JADE3: variants seen among roughly 807,000 people sequenced by gnomAD.
JADE3 encodes the protein protein Jade-3.
JADE3 carries 2 observed loss-of-function variants against 50.1 expected under a neutral mutation model. The observed-to-expected ratio is 0.04, with a 90% CI of 0.02 to 0.13. The LOEUF is 0.13. JADE3 is among the 10% of genes least tolerant of loss of function. The probability of loss-of-function intolerance (pLI) is 1.00; values close to 1 mark genes in which losing one functional copy is unlikely to be tolerated. For synonymous variants in JADE3, 218 were observed against 232.9 expected (o/e 0.94, Z 0.58); for missense variants, 475 against 634.4 (o/e 0.75, Z 2.70).
At chrX:46,960,358 C>T (rs181590131) in intron 1 of JADE3, among the ~76,000 whole-genome samples, 6 of 111,891 alleles carry the variant, frequency 5.4e-5, no homozygotes, top group South Asian at 3.8e-4. Context: ...CTTCCCAGAA[C>T]GGATAAGGGT....
intron 1 of JADE3, among the ~76,000 whole-genome samples, chrX:46,983,232 C>G (rs782073874): frequency 9.0e-6 from 1 of 111,556 alleles, no homozygotes; most frequent in East Asian, 2.8e-4. Context: ...GAATTGAAGC[C>G]CCCTATTCTA....
chrX:47,004,749 T>C (rs1928371550), intron 4 of JADE3, among the ~76,000 whole-genome samples: 1 of 112,676 alleles, frequency 8.9e-6, no homozygotes, highest in Non-Finnish European at 1.9e-5. Flanking sequence ...AGTCCTTTAA[T>C]AGATAATTTG....
intron 3 of JADE3, among the ~76,000 whole-genome samples, chrX:46,996,809 A>G (rs1001432860): frequency 8.9e-6 from 1 of 112,236 alleles, no homozygotes; most frequent in East Asian, 2.8e-4. Context: ...TACATCTGCA[A>G]AGACCCTTTT....
intron 1 of JADE3, among the ~76,000 whole-genome samples, chrX:46,965,971 G>A (rs1291502865): frequency 1.8e-5 from 2 of 112,180 alleles, no homozygotes; most frequent in African/African-American, 6.5e-5. Context: ...AACAAGATTA[G>A]GACTTTTAAA....
intron 4 of JADE3, among the ~76,000 whole-genome samples, chrX:47,021,332 G>A (rs1928788475): frequency 1.8e-5 from 2 of 111,434 alleles, no homozygotes; most frequent in South Asian, 7.5e-4. Context: ...GTGTGAATAT[G>A]CCACATTTTT....
Position 47,060,494 on chromosome X carries a change from C to G in JADE3, c.*1417C>G. Reference sequence around the variant, plus strand: ...GCCAGTCAGTCAAGGCAGGGGCCCTCTCTCCGTCAATATGGAAAACTCAGC... The same window carrying G: ...GCCAGTCAGTCAAGGCAGGGGCCCTGTCTCCGTCAATATGGAAAACTCAGC... On this transcript the variant is annotated 3_prime_UTR_variant, in exon 11 of 11. Coordinates refer to ENST00000614628, the MANE Select transcript of JADE3 (RefSeq NM_014735.5). The G allele has an allele frequency of 8.9e-6, 1 of 111,895 alleles. No homozygotes were observed. Among genetic ancestry groups the G allele is most frequent in the East Asian group, 2.8e-4 (1 of 3,562 alleles). The allele number at this position is 111,895 out of a possible 1,213,427, so 9.2% of individuals were successfully genotyped here.
At chrX:46,935,714 CA>C (rs2147109384) in intron 1 of JADE3, among the ~76,000 whole-genome samples, 1 of 110,144 alleles carries the variant, frequency 9.1e-6, no homozygotes, top group African/African-American at 3.3e-5. Flanking sequence ...TCCCTGGTGC[CA>C]AAAAGGTTGG....
chrX:46,931,468 C>A (rs1489575077), intron 1 of JADE3, among the ~76,000 whole-genome samples: 4 of 109,954 alleles, frequency 3.6e-5, no homozygotes, highest in African/African-American at 1.3e-4. Flanking sequence ...GTTGCCCAGG[C>A]TGGAATGCAA....
chrX:47,035,737 T>C (rs1929121441), intron 7 of JADE3, among the ~76,000 whole-genome samples: 1 of 111,445 alleles, frequency 9.0e-6, no homozygotes, highest in African/African-American at 3.3e-5. Context: ...TGTATCTCTC[T>C]TAGAAACTCA....
intron 4 of JADE3, among the ~76,000 whole-genome samples, chrX:47,010,189 T>C (rs191850277): frequency 1.3e-4 from 15 of 111,413 alleles, no homozygotes; most frequent in African/African-American, 4.9e-4. Flanking sequence ...TTTTCTTAGA[T>C]TTTTTTAAGT....
rs182436615 is a variant in JADE3, at chrX:46,934,982, C to T, written c.-12+22263C>T. Reference sequence around the variant, plus strand: ...AGTCTCACTCTGGCTCCCAGGCTGGCGTGTACAGTGGTGCGATCTCAGCAC... The same window carrying T: ...AGTCTCACTCTGGCTCCCAGGCTGGTGTGTACAGTGGTGCGATCTCAGCAC... On this transcript the variant is annotated intron_variant, in intron 1 of 10. Transcript: ENST00000614628. Among the ~76,000 whole-genome samples the T allele has an allele frequency of 4.7e-3, 521 of 111,435 alleles. 2 individuals carry two copies. Among genetic ancestry groups the T allele is most frequent in the African/African-American group, 0.016 (498 of 30,618 alleles).
Position 46,916,761 on chromosome X carries a change from C to G in JADE3, c.-12+4042C>G, listed in dbSNP as rs1556336421. On this transcript the variant is annotated intron_variant, in intron 1 of 10. Transcript: ENST00000614628. Reference sequence around the variant, plus strand: ...GGGTATAAGAGGTGAAAGATACCCCCTTAACAGCTCAACTTCCAGTGGAAA... The same window carrying G: ...GGGTATAAGAGGTGAAAGATACCCCGTTAACAGCTCAACTTCCAGTGGAAA... Among the ~76,000 whole-genome samples, 52 of 111,974 alleles carry G rather than the reference C, an allele frequency of 4.6e-4. 1 individual carries two copies. The highest frequency in any genetic ancestry group is 7.5e-5 in the Non-Finnish European group (4 of 53,175).
chrX:47,027,107 T>C (rs1210382326), intron 5 of JADE3, among the ~76,000 whole-genome samples: 1 of 112,121 alleles, frequency 8.9e-6, no homozygotes, highest in African/African-American at 3.2e-5. Context: ...TTTTGGATCA[T>C]CTTGAGGATT....
At chrX:47,003,956 G>A (rs1004453339) in intron 4 of JADE3, among the ~76,000 whole-genome samples, 3 of 104,797 alleles carry the variant, frequency 2.9e-5, no homozygotes, top group South Asian at 8.1e-4. Context: ...ACAGGGTCTC[G>A]CTCTGTTGCC....
In JADE3 at chrX:46,917,834, CCTCTCT is replaced by C. The variant is rs572734511; in HGVS notation, c.-12+5131_-12+5136del. Among the ~76,000 whole-genome samples, 28 of 42,553 alleles carry C rather than the reference CCTCTCT, an allele frequency of 6.6e-4. 2 individuals carry two copies. Among genetic ancestry groups the C allele is most frequent in the Non-Finnish European group, 8.3e-4 (20 of 23,976 alleles). 37.0% of individuals were successfully genotyped at this position (42,553 alleles called of 115,157 possible). ...CTCTCTCTCTCTCACTCTCTCTCAT[CCTCTCT>C]CTCTCTCTCTCTCTCATCCTCTCTC... is the stretch of plus-strand genomic sequence containing the variant. On this transcript the variant is annotated intron_variant, in intron 1 of 10. Transcript: ENST00000614628.
At chrX:46,918,563 A>G (rs1320447914) in intron 1 of JADE3, among the ~76,000 whole-genome samples, 4 of 112,243 alleles carry the variant, frequency 3.6e-5, no homozygotes, top group Non-Finnish European at 7.5e-5. Context: ...CCCTTCCCAT[A>G]AGTACTAGGC....
chrX:46,965,718 G>A (rs1311138917), intron 1 of JADE3, among the ~76,000 whole-genome samples: 3 of 112,026 alleles, frequency 2.7e-5, no homozygotes, highest in Non-Finnish European at 5.6e-5. Flanking sequence ...AAAGCCTAGA[G>A]GTAGGAACTG....
chrX:46,994,443 A>C (rs1048828169), intron 3 of JADE3, among the ~76,000 whole-genome samples: 4 of 112,438 alleles, frequency 3.6e-5, no homozygotes, highest in Admixed American at 2.8e-4. Context: ...CTACCAGTGC[A>C]TATAAAATAG....
intron 1 of JADE3, among the ~76,000 whole-genome samples, chrX:46,954,745 A>C (rs943321581): frequency 4.5e-5 from 5 of 110,679 alleles, no homozygotes; most frequent in Non-Finnish European, 9.5e-5. Flanking sequence ...AATAGAGACA[A>C]AGTTTCGCCA....
Sources: allele counts gnomAD v4.1 joint callset (sites outside exome capture counted in the v4.1 genomes callset), GRCh38; gene constraint gnomAD v4.1.1; transcripts MANE v1.5; gene names NCBI Gene and HGNC (gene_info 2026-07-23, HGNC 2026-07-21).